Variants in MYBPC3 observed in about 807,000 individuals in gnomAD.
The protein encoded by MYBPC3 is myosin binding protein C3, also known as myosin-binding protein C, cardiac-type.
Under a neutral mutation model 159.3 loss-of-function variants are expected in MYBPC3, and 108 were observed. The ratio of observed to expected loss-of-function variants is 0.68; its 90% confidence interval spans 0.58 to 0.80. The LOEUF (loss-of-function observed/expected upper bound fraction) is 0.80, where lower values mean the gene tolerates loss of function less well. Ranked by LOEUF, MYBPC3 falls within the 30% of genes least tolerant of loss-of-function variation. The pLI is 0.00. For synonymous variants in MYBPC3, 730 were observed against 702.0 expected, an observed-to-expected ratio of 1.04 and a Z score of -0.63; for missense variants, 1,631 against 1,762.1, an observed-to-expected ratio of 0.93 and a Z score of 1.33.
Position 47,348,558 on chromosome 11 carries a change from A to G in MYBPC3, c.655-17T>C, listed in dbSNP as rs1459625280. On this transcript the variant is annotated splice_polypyrimidine_tract_variant and intron_variant, in intron 5 of 34. Transcript: ENST00000545968. ...CAGATAGACCTGTGTGCATGGAGGG[A>G]CGGGGCGTCAGGGGACACCAGGGGC... 6.3e-7 allele frequency: 1 copy of G among 1,593,846 alleles called. No homozygotes were observed. The highest frequency in any genetic ancestry group is 1.7e-5 in the Admixed American group (1 of 58,178).
Position 47,333,312 on chromosome 11 carries a change from T to G in MYBPC3, c.3212A>C (p.Asp1071Ala), listed in dbSNP as rs1445937499. Reference protein sequence around the residue: ...QVVDKPSPPQDLRVTDAWGLN... With the variant: ...QVVDKPSPPQALRVTDAWGLN... ...ACCCCAGGCGTCAGTCACCCGGAGA[T>G]CCTGGGGAGGACTTGGCTTGTCTGC... The change falls in exon 30 of 35, where the codon GAT becomes GCT. Residue 1071 changes from aspartate (D) to alanine (A), a missense_variant. Transcript: ENST00000545968. 5 of 1,586,428 alleles carry G rather than the reference T, an allele frequency of 3.2e-6. No individual in the cohort carries two copies. Among genetic ancestry groups the G allele is most frequent in the Non-Finnish European group, 4.3e-6 (5 of 1,165,224 alleles).
rs1595847877 is a variant in MYBPC3 at position 47,346,461 on chromosome 11, C to T, written c.927-91G>A. 1 of 1,466,062 alleles carries T rather than the reference C, an allele frequency of 6.8e-7. No individual in the cohort carries two copies. The highest frequency in any genetic ancestry group is 9.1e-7 in the Non-Finnish European group (1 of 1,101,170). 90.8% of individuals were successfully genotyped at this position (1,466,062 alleles called of 1,614,324 possible). ...GCCCAGGACCAAGGAGCTGTAGCCACCCCTGTCCCTCTGCCCCTTCCCTTC... is the reference window on the plus strand; with the variant it reads ...GCCCAGGACCAAGGAGCTGTAGCCATCCCTGTCCCTCTGCCCCTTCCCTTC... On this transcript the variant is annotated intron_variant, in intron 11 of 34. Coordinates refer to ENST00000545968, the MANE Select transcript of MYBPC3 (RefSeq NM_000256.3). This position sits in a 1 kb window ranked among gnomAD's most constrained non-coding sequence, Gnocchi z 5.3.
intron 18 of MYBPC3, 86 bp from the exon 19 acceptor site, chr11:47,341,330 C>G (rs958649268): frequency 3.9e-6 from 4 of 1,015,182 alleles, no homozygotes; most frequent in Admixed American, 2.6e-5. Flanking sequence ...CCCAGGAGGC[C>G]CTCACCTTGT....
At position 47,333,569 on chromosome 11, in the gene MYBPC3, G is replaced by C. The variant is rs2095879395; in HGVS notation, c.3178C>G (p.Leu1060Val). The change falls in exon 29 of 35, where the codon CTG (leucine) becomes GTG (valine). Residue 1060 changes from leucine to valine, a missense_variant. Coordinates refer to ENST00000545968, the MANE Select transcript of MYBPC3 (RefSeq NM_000256.3). ...CTTGGCCACGCACCAACAACCTGCA[G>C]CACCAGCGTGGCCTTGTCCTCCATG... The part of the protein sequence containing the change: ...ENMEDKATLV[L>V]QVVDKPSPPQ... The C allele has an allele frequency of 6.2e-7, 1 of 1,600,330 alleles. No individual in the cohort carries two copies. Among genetic ancestry groups the C allele is most frequent in the South Asian group, 1.1e-5 (1 of 91,088 alleles).
rs730880535 is a variant in MYBPC3 at position 47,343,063 on chromosome 11, C to T, written c.1309G>A (p.Val437Met). 3.1e-5 allele frequency: 50 copies of T among 1,612,874 alleles called. No individual in the cohort carries two copies. The highest frequency in any genetic ancestry group is 1.6e-4 in the Middle Eastern group (1 of 6,082). ...SLADDAAYQC[V>M]VGGEKCSTEL... ...GTGCTACACTTCTCGCCACCCACCACGCACTGGTAGGCTGCGTCGTCCGCC... is the reference window on the plus strand; with the variant it reads ...GTGCTACACTTCTCGCCACCCACCATGCACTGGTAGGCTGCGTCGTCCGCC... The change falls in exon 15 of 35, where the codon GTG (valine) becomes ATG (methionine). Residue 437 changes from valine to methionine, a missense_variant. By Grantham distance (21) the Val-to-Met change is conservative. Coordinates refer to ENST00000545968, the MANE Select transcript of MYBPC3 (RefSeq NM_000256.3).
Position 47,332,678 on chromosome 11 carries a change from T to G in MYBPC3, c.3515A>C (p.Tyr1172Ser), listed in dbSNP as rs1214081908. Residue 1172 changes from tyrosine to serine, a missense_variant, in exon 32 of 35, where the codon TAT (tyrosine) becomes TCT (serine). Transcript: ENST00000545968. This position sits in a 1 kb window ranked among gnomAD's most constrained non-coding sequence, Gnocchi z 4.2. Reference protein sequence around the residue: ...RPGITYEPPNYKALDFSEAPS... With the variant: ...RPGITYEPPNSKALDFSEAPS... ...GGCCTCGGAGAAGTCCAGGGCCTTA[T>G]AGTTGGGTGGCTCATAGGTGATGCC... is the stretch of plus-strand genomic sequence containing the variant. The G allele has an allele frequency of 6.2e-7, 1 of 1,612,242 alleles. No individual in the cohort carries two copies. Among genetic ancestry groups the G allele is most frequent in the Non-Finnish European group, 8.5e-7 (1 of 1,179,144 alleles).
At chr11:47,337,043 CAGA>C (rs1408756964) in intron 25 of MYBPC3, among the ~76,000 whole-genome samples, 2 of 152,186 alleles carry the variant, frequency 1.3e-5, no homozygotes, top group African/African-American at 4.8e-5. Context: ...TGTTAGATGC[CAGA>C]TGGCCTGCCT....
At chr11:47,341,543 C>T (rs1419319202) in intron 18 of MYBPC3, among the ~76,000 whole-genome samples, 2 of 152,216 alleles carry the variant, frequency 1.3e-5, no homozygotes, top group Non-Finnish European at 2.9e-5. Flanking sequence ...ACGGCCAGCC[C>T]AGTTGCTCCA....
intron 19 of MYBPC3, 53 bp from the exon 20 acceptor site, chr11:47,341,085 C>G: frequency 6.4e-7 from 1 of 1,567,502 alleles, no homozygotes. Flanking sequence ...GGCCCAGTGA[C>G]AGGGGCTCCT....
In MYBPC3 at chr11:47,351,351, C is replaced by G. The variant is rs1399076195; in HGVS notation, c.180G>C (p.Glu60Asp). 1.2e-6 allele frequency: 2 copies of G among 1,603,134 alleles called. No homozygotes were observed. The highest frequency in any genetic ancestry group is 3.4e-5 in the Admixed American group (2 of 58,768). ...GCACTGTCAGCGTATGCCGTGTGCCCTCTGTGGCCAGGCCGTACTTGTTGC... is the reference window on the plus strand; with the variant it reads ...GCACTGTCAGCGTATGCCGTGTGCCGTCTGTGGCCAGGCCGTACTTGTTGC... Reference protein sequence around the residue: ...SASNKYGLATEGTRHTLTVRE... With the variant: ...SASNKYGLATDGTRHTLTVRE... Residue 60 changes from glutamate (E) to aspartate (D), a missense_variant, in exon 2 of 35, where the codon GAG becomes GAC. Physicochemically the swap from Glu to Asp is conservative, Grantham distance 45. Transcript: ENST00000545968. This position sits in a 1 kb window ranked among gnomAD's most constrained non-coding sequence, Gnocchi z 4.2.
At position 47,350,503 on chromosome 11, in the gene MYBPC3, T is replaced by C. The variant is rs727504318; in HGVS notation, c.405A>G (p.Lys135=). The change falls in exon 3 of 35, where the codon AAA becomes AAG. Residue 135 remains lysine, a splice_region_variant and synonymous_variant. Coordinates refer to ENST00000545968, the MANE Select transcript of MYBPC3 (RefSeq NM_000256.3). Reference sequence around the variant, plus strand: ...CCCTCCCTGCCCAGCCCCTCTCACCTTTGGGACTTGGGGCACTTTCTCCCA... The same window carrying C: ...CCCTCCCTGCCCAGCCCCTCTCACCCTTGGGACTTGGGGCACTTTCTCCCA... ...AELGESAPSP[K]GSSSAALNGP... 1.6e-5 allele frequency: 25 copies of C among 1,556,770 alleles called. No homozygotes were observed. Among genetic ancestry groups the C allele is most frequent in the Non-Finnish European group, 2.2e-5 (25 of 1,153,830 alleles).
chr11:47,350,248 C>A, intron 3 of MYBPC3, 136 bp from the exon 4 acceptor site: 1 of 1,215,562 alleles, frequency 8.2e-7, no homozygotes, highest in Non-Finnish European at 1.1e-6. Context: ...CTCAGCCTCC[C>A]AAGTTAGCTG....
rs786204356 is a variant in MYBPC3, at chr11:47,333,210, G to A, written c.3314C>T (p.Ala1105Val). 2 of 1,601,194 alleles carry A rather than the reference G, an allele frequency of 1.2e-6. No homozygotes were observed. The highest frequency in any genetic ancestry group is 1.3e-5 in the African/African-American group (1 of 74,732). ...TGGGCTCACCATGGTCTTCTTGTCG[G>A]CTTTCTGCACTGTGTACCCCCAGAG... ...TELWGYTVQK[A>V]DKKTMEWFTV... Residue 1105 changes from alanine (A) to valine (V), a missense_variant, in exon 30 of 35, where the codon GCC becomes GTC. Physicochemically the swap from Ala to Val is moderately conservative, Grantham distance 64. Coordinates refer to ENST00000545968, the MANE Select transcript of MYBPC3 (RefSeq NM_000256.3).
Position 47,338,687 on chromosome 11 carries a change from G to A in MYBPC3, c.2149-8C>T, listed in dbSNP as rs397515950. The A allele has an allele frequency of 5.6e-6, 9 of 1,605,686 alleles. No homozygotes were observed. The highest frequency in any genetic ancestry group is 3.3e-4 in the Middle Eastern group (2 of 6,054). ...CTCGGTCTCACACAGCAGCTGGGGG[G>A]GTGCAGAGTTGGGGTGAGATCCAAG... On this transcript the variant is annotated splice_region_variant and splice_polypyrimidine_tract_variant and intron_variant, in intron 22 of 34. Transcript: ENST00000545968. This position sits in a 1 kb window ranked among gnomAD's most constrained non-coding sequence, Gnocchi z 4.7.
In MYBPC3 at chr11:47,342,117, A is replaced by G. The variant is rs730880692; in HGVS notation, c.1664T>C (p.Met555Thr). 1.7e-5 allele frequency: 28 copies of G among 1,613,738 alleles called. 1 individual carries two copies. Among genetic ancestry groups the G allele is most frequent in the Middle Eastern group, 1.6e-4 (1 of 6,084 alleles). Residue 555 changes from methionine to threonine, a missense_variant, in exon 18 of 35, where the codon ATG becomes ACG. Physicochemically the swap from Met to Thr is moderately conservative, Grantham distance 81. Coordinates refer to ENST00000545968, the MANE Select transcript of MYBPC3 (RefSeq NM_000256.3). Reference sequence around the variant, plus strand: ...CACCGCCTGGTCCTTTGCGCCCACCATCAGGTCTGCGATGCTCTGGTACAC... The same window carrying G: ...CACCGCCTGGTCCTTTGCGCCCACCGTCAGGTCTGCGATGCTCTGGTACAC... ...LEVYQSIADL[M>T]VGAKDQAVFK...
chr11:47,335,853 G>C, intron 26 of MYBPC3, 24 bp downstream of exon 26: 2 of 1,437,458 alleles, frequency 1.4e-6, no homozygotes, highest in Non-Finnish European at 1.8e-6. Flanking sequence ...TTTGGGGAGG[G>C]GGGTTGGGGG....
At position 47,333,374 on chromosome 11, in the gene MYBPC3, CAGTG is replaced by C. The variant is rs2095879219; in HGVS notation, c.3191-45_3191-42del. ...CCAGTTGGGTCACCACGCCTCCTGACAGTGAGCAGGGGGTCACTGGCTCCAGGGA... is the reference window on the plus strand; with the variant it reads ...CCAGTTGGGTCACCACGCCTCCTGACAGCAGGGGGTCACTGGCTCCAGGGA... On this transcript the variant is annotated intron_variant, in intron 29 of 34. Transcript: ENST00000545968. 6 of 1,523,990 alleles carry C rather than the reference CAGTG, an allele frequency of 3.9e-6. No homozygotes were observed. The East Asian group carries it at 9.6e-5, about 24-fold the overall frequency. 94.4% of individuals were successfully genotyped at this position (1,523,990 alleles called of 1,614,324 possible).
chr11:47,336,140 T>C, intron 25 of MYBPC3, 129 bp from the exon 26 acceptor site: 2 of 937,616 alleles, frequency 2.1e-6, no homozygotes, highest in African/African-American at 1.7e-5. Flanking sequence ...TTGGCCACTT[T>C]AAGGAATATT....
intron 25 of MYBPC3, among the ~76,000 whole-genome samples, chr11:47,337,109 C>T (rs916846275): frequency 3.9e-5 from 6 of 152,196 alleles, no homozygotes; most frequent in African/African-American, 1.4e-4. Flanking sequence ...GTCATTATTC[C>T]CATTTTGTAG....
Sources: gnomAD v4.1 joint callset for allele counts (sites outside exome capture counted in the v4.1 genomes callset) on GRCh38, gnomAD v4.1.1 for gene constraint, Gnocchi (gnomAD v3.1) non-coding constraint, MANE v1.5 for transcripts, NCBI Gene and HGNC (gene_info 2026-07-23, HGNC 2026-07-21) for gene names.